The following NAV2 variants were observed in gnomAD, a reference collection of about 807,000 sequenced individuals.
NAV2 encodes the protein neuron navigator 2.
In NAV2, 54 loss-of-function variants were observed where a neutral mutation model predicts 223.2. The observed-to-expected ratio is 0.24, with a 90% CI of 0.19 to 0.30. The LOEUF (loss-of-function observed/expected upper bound fraction) is 0.30. Ranked by LOEUF, NAV2 falls within the 10% of genes least tolerant of loss-of-function variation. The probability of loss-of-function intolerance (pLI) is 1.00; values close to 1 mark genes in which losing one functional copy is unlikely to be tolerated. For missense variants in NAV2, 2,806 were observed against 3,147.5 expected (o/e 0.89, Z 2.60); for synonymous variants, 1,279 against 1,239.3 (o/e 1.03, Z -0.67).
chr11:19,825,046 A>G (rs571197451), intron 1 of NAV2, among the ~76,000 whole-genome samples: 134 of 152,204 alleles, frequency 8.8e-4, no homozygotes, highest in Non-Finnish European at 1.7e-3. Context: ...TAATCCCAGC[A>G]CTTTGGGAGG....
At chr11:19,739,354 A>G (rs967950013) in intron 1 of NAV2, among the ~76,000 whole-genome samples, 3 of 152,164 alleles carry the variant, frequency 2.0e-5, no homozygotes, top group Admixed American at 6.5e-5. Flanking sequence ...TTCTCATTTT[A>G]TTTGCATTTT....
chr11:19,420,918 A>T (rs1306508041), intron 1 of NAV2, among the ~76,000 whole-genome samples: 1 of 152,206 alleles, frequency 6.6e-6, no homozygotes, highest in Non-Finnish European at 1.5e-5. Flanking sequence ...CAAGGAAAAC[A>T]AAACAGAACT....
chr11:19,399,135 G>A (rs955343868), intron 1 of NAV2, among the ~76,000 whole-genome samples: 3 of 152,150 alleles, frequency 2.0e-5, no homozygotes, highest in South Asian at 2.1e-4. Context: ...CCTGTTCCAC[G>A]GCACGAGAAA....
intron 1 of NAV2, among the ~76,000 whole-genome samples, chr11:19,468,082 G>A (rs939238955): frequency 6.6e-6 from 1 of 152,152 alleles, no homozygotes; most frequent in African/African-American, 2.4e-5. Flanking sequence ...ACTGTCCTAG[G>A]GAGAGGCTGT....
intron 1 of NAV2, among the ~76,000 whole-genome samples, chr11:19,470,174 C>T (rs753908355): frequency 1.2e-4 from 19 of 152,202 alleles, no homozygotes; most frequent in Non-Finnish European, 1.9e-4. Context: ...GTGTTTAGAC[C>T]ATTCCCTAGA....
intron 1 of NAV2, among the ~76,000 whole-genome samples, chr11:19,358,344 T>C (rs1853740634): frequency 6.6e-6 from 1 of 152,144 alleles, no homozygotes; most frequent in Non-Finnish European, 1.5e-5. Context: ...CTGGGACAGG[T>C]GGCTGAAGAA....
intron 1 of NAV2, among the ~76,000 whole-genome samples, chr11:19,475,963 G>A (rs2042100946): frequency 1.3e-5 from 2 of 152,120 alleles, no homozygotes; most frequent in African/African-American, 4.8e-5. Flanking sequence ...AGTGTCAGTT[G>A]CCCTTAAGAG....
intron 11 of NAV2, among the ~76,000 whole-genome samples, chr11:20,002,537 G>T (rs370810939): frequency 6.6e-6 from 1 of 152,162 alleles, no homozygotes; most frequent in East Asian, 1.9e-4. Context: ...CTGGACCTTG[G>T]AAAACAGGTG....
chr11:19,710,154 T>C (rs2049821080), upstream of NAV2, among the ~76,000 whole-genome samples: 1 of 152,188 alleles, frequency 6.6e-6, no homozygotes, highest in Admixed American at 6.5e-5. Flanking sequence ...ACTATTTCCA[T>C]TTATATACCC....
chr11:19,899,746 T>C (rs902174080), intron 6 of NAV2, among the ~76,000 whole-genome samples: 5 of 152,184 alleles, frequency 3.3e-5, no homozygotes, highest in African/African-American at 4.8e-5. Flanking sequence ...ATCATTTGTA[T>C]TGATTTCCAT....
intron 35 of NAV2, among the ~76,000 whole-genome samples, chr11:20,106,702 G>C (rs1181648571): frequency 4.0e-5 from 6 of 151,768 alleles, no homozygotes; most frequent in Non-Finnish European, 8.8e-5. Context: ...GAGTGCAATG[G>C]TGTGATCTTG....
Position 19,929,208 on chromosome 11 carries a change from G to A in NAV2, c.932-3968G>A, listed in dbSNP as rs139357743. Among the ~76,000 whole-genome samples, 494 of 152,164 alleles carry A rather than the reference G, an allele frequency of 3.2e-3. 1 individual carries two copies. The highest frequency in any genetic ancestry group is 0.011 in the African/African-American group (463 of 41,512). Reference sequence around the variant, plus strand: ...GTGGAGGTTGCAGTGAGCCAAGATCGAGCCGCTGCACTGCAGCCTGGGTGA... The same window carrying A: ...GTGGAGGTTGCAGTGAGCCAAGATCAAGCCGCTGCACTGCAGCCTGGGTGA... On this transcript the variant is annotated intron_variant, in intron 6 of 37. Transcript: ENST00000349880.
intron 10 of NAV2, among the ~76,000 whole-genome samples, chr11:19,953,153 A>G (rs1326210039): frequency 6.6e-6 from 1 of 152,132 alleles, no homozygotes; most frequent in East Asian, 1.9e-4. Context: ...TTTCTTTTCA[A>G]AGGAGGCACT....
intron 1 of NAV2, among the ~76,000 whole-genome samples, chr11:19,809,499 T>C (rs760002893): frequency 6.6e-6 from 1 of 152,238 alleles, no homozygotes; most frequent in Non-Finnish European, 1.5e-5. Flanking sequence ...AGTTGCCATA[T>C]ACCCCACCCA....
At position 20,038,584 on chromosome 11, in the gene NAV2, A is replaced by G. The variant is rs534470164; in HGVS notation, c.2907+2487A>G. Among the ~76,000 whole-genome samples, 18 of 152,288 alleles carry G rather than the reference A, an allele frequency of 1.2e-4. No homozygotes were observed. In the South Asian group the frequency reaches 2.9e-3, roughly 25 times the overall value. On this transcript the variant is annotated intron_variant, in intron 12 of 37. Transcript: ENST00000349880. The stretch of plus-strand genomic sequence containing the variant: ...ATCACGCTGAGGAATGCTAAGGGCC[A>G]TTACTCCTGTCTGAGCGGCATCAGG...
chr11:20,106,183 G>A lies in NAV2; in HGVS notation c.6841+456G>A, dbSNP rs1398127618. Among the ~76,000 whole-genome samples the A allele has an allele frequency of 6.0e-3, 153 of 25,530 alleles. 12 individuals carry two copies. Among genetic ancestry groups the A allele is most frequent in the African/African-American group, 8.7e-3 (84 of 9,696 alleles). The allele number at this position is 25,530 out of a possible 152,430, so 16.7% of individuals were successfully genotyped here. A position where few individuals can be genotyped will look rare whatever the true frequency, so the allele number is the denominator to read the frequency against. On this transcript the variant is annotated intron_variant, in intron 35 of 37. Coordinates refer to ENST00000349880, the MANE Select transcript of NAV2 (RefSeq NM_145117.5). ...TATATATATATATATATATGTGTGT[G>A]TATATATATATATATATATATATAT... is the stretch of plus-strand genomic sequence containing the variant.
intron 1 of NAV2, among the ~76,000 whole-genome samples, chr11:19,472,890 A>C (rs1399706121): frequency 6.6e-6 from 1 of 152,212 alleles, no homozygotes; most frequent in Non-Finnish European, 1.5e-5. Flanking sequence ...TTGGCTGTGC[A>C]GTGCATTAAA....
chr11:19,396,395 G>A (rs931710268), intron 1 of NAV2, among the ~76,000 whole-genome samples: 3 of 152,160 alleles, frequency 2.0e-5, no homozygotes, highest in East Asian at 1.9e-4. Flanking sequence ...TTAGGTTGGC[G>A]TTTAAAGTGT....
chr11:19,581,180 T>C (rs894996986), intron 1 of NAV2, among the ~76,000 whole-genome samples: 1 of 152,202 alleles, frequency 6.6e-6, no homozygotes, highest in African/African-American at 2.4e-5. Flanking sequence ...TAGGTTGTTA[T>C]ATAATTGCAA....
Sources: allele counts gnomAD v4.1 joint callset (sites outside exome capture counted in the v4.1 genomes callset), GRCh38; gene constraint gnomAD v4.1.1; transcripts MANE v1.5; gene names NCBI Gene and HGNC (gene_info 2026-07-23, HGNC 2026-07-21).